The following FOSB variants were observed in gnomAD, a reference collection of about 807,000 sequenced individuals.
FOSB encodes the protein protein FosB.
A neutral mutation model predicts 31.1 loss-of-function variants in FOSB; 8 were observed. The ratio of observed to expected loss-of-function variants is 0.26; its 90% confidence interval spans 0.15 to 0.46. The LOEUF (loss-of-function observed/expected upper bound fraction) is 0.46. FOSB is among the 20% of genes least tolerant of loss of function. The pLI, the probability that FOSB is intolerant of heterozygous loss-of-function variation, is 0.99. For missense variants in FOSB, 376 were observed against 460.6 expected, an observed-to-expected ratio of 0.82 and a Z score of 1.68; for synonymous variants, 214 against 206.1, an observed-to-expected ratio of 1.04 and a Z score of -0.33.
Position 45,472,449 on chromosome 19 carries a change from C to A in FOSB, c.556-102C>A. The stretch of plus-strand genomic sequence containing the variant: ...TTTTTCTCAGCCCGGGGCTGCCTTC[C>A]AGCAGCAAGTCCAAGGGAGCCATGA... On this transcript the variant is annotated intron_variant, in intron 3 of 3. Coordinates refer to ENST00000353609, the MANE Select transcript of FOSB (RefSeq NM_006732.3). The surrounding 1 kb of genome is among the most constrained non-coding windows in gnomAD (Gnocchi z 5.4). 1.0e-6 allele frequency: 1 copy of A among 963,712 alleles called. No individual in the cohort carries two copies. Among genetic ancestry groups the A allele is most frequent in the Non-Finnish European group, 1.5e-6 (1 of 671,368 alleles). 59.7% of individuals were successfully genotyped at this position (963,712 alleles called of 1,614,324 possible).
intron 3 of FOSB, chr19:45,471,569 C>T (rs936873033): frequency 2.9e-6 from 1 of 347,672 alleles, no homozygotes; most frequent in Admixed American, 3.9e-5. Context: ...ACATGGGGCC[C>T]TTGAGGAGAG....
intron 2 of FOSB, 119 bp from the exon 3 acceptor site, chr19:45,471,075 C>G: frequency 7.6e-7 from 1 of 1,323,340 alleles, no homozygotes; most frequent in South Asian, 1.2e-5. Context: ...CCTTGCTACA[C>G]GAGCGAGGAC....
In FOSB at chr19:45,468,544, G is replaced by A; in HGVS notation, c.-43G>A. ...ACCCGGCCATAGCCTTGGCTTCCCG[G>A]CGACCTCAGCGTGGTCACAGGGGCC... On this transcript the variant is annotated 5_prime_UTR_variant, in exon 1 of 4. Coordinates refer to ENST00000353609, the MANE Select transcript of FOSB (RefSeq NM_006732.3). This position sits in a 1 kb window ranked among gnomAD's most constrained non-coding sequence, Gnocchi z 4.8. 6.4e-7 allele frequency: 1 copy of A among 1,572,678 alleles called. No homozygotes were observed. The highest frequency in any genetic ancestry group is 8.6e-7 in the Non-Finnish European group (1 of 1,164,098).
chr19:45,471,359 T>A, intron 3 of FOSB, 58 bp downstream of exon 3: 1 of 1,192,662 alleles, frequency 8.4e-7, no homozygotes, highest in Non-Finnish European at 1.2e-6. Context: ...CTCCCCATTC[T>A]CTGCCCCCTC....
At position 45,470,611 on chromosome 19, in the gene FOSB, GTA is replaced by G. The variant is rs754284435; in HGVS notation, c.127-16_127-15del. 1.7e-5 allele frequency: 27 copies of G among 1,587,952 alleles called. No individual in the cohort carries two copies. The highest frequency in any genetic ancestry group is 6.8e-5 in the Admixed American group (4 of 58,588). On this transcript the variant is annotated splice_polypyrimidine_tract_variant and intron_variant, in intron 1 of 3. Transcript: ENST00000353609. ...TGTTTGTGTGTCTACGCCTGTGTGT[GTA>G]TGTGTCACCCCGTAGGAGTGCGCCG...
chr19:45,471,338 A>G, intron 3 of FOSB, 37 bp downstream of exon 3: 1 of 1,397,560 alleles, frequency 7.2e-7, no homozygotes, highest in Non-Finnish European at 9.9e-7. Flanking sequence ...GGGGATGTTG[A>G]GGGGAGCTCT....
rs1262186739 is a variant in FOSB, at chr19:45,475,138, T to C, written c.*2126T>C. On this transcript the variant is annotated 3_prime_UTR_variant, in exon 4 of 4. Coordinates refer to ENST00000353609, the MANE Select transcript of FOSB (RefSeq NM_006732.3). ...TGGCAATGGGCCGTCCCCTCTCCCCTTGGTTCTGCACTGTTGCCAATAAAA... is the reference window on the plus strand; with the variant it reads ...TGGCAATGGGCCGTCCCCTCTCCCCCTGGTTCTGCACTGTTGCCAATAAAA... 6 of 152,644 alleles carry C rather than the reference T, an allele frequency of 3.9e-5. No individual in the cohort carries two copies. Among genetic ancestry groups the C allele is most frequent in the Admixed American group, 3.3e-4 (5 of 15,270 alleles). The allele number at this position is 152,644 out of a possible 1,614,324, so 9.5% of individuals were successfully genotyped here. A position where few individuals can be genotyped will look rare whatever the true frequency, so the allele number is the denominator to read the frequency against.
At chr19:45,471,353 C>T (rs968064001) in intron 3 of FOSB, 52 bp downstream of exon 3, 31 of 1,254,726 alleles carry the variant, frequency 2.5e-5, no homozygotes, top group Non-Finnish European at 3.5e-5. Flanking sequence ...AGCTCTCTCC[C>T]CATTCTCTGC....
At chr19:45,471,043 A>G (rs748736781) in intron 2 of FOSB, 94 bp downstream of exon 2, 2 of 1,388,558 alleles carry the variant, frequency 1.4e-6, no homozygotes, top group Non-Finnish European at 2.0e-6. Flanking sequence ...CTAAGGCCTC[A>G]GTGTTACAGA....
chr19:45,469,591 T>C (rs1404677071), intron 1 of FOSB, among the ~76,000 whole-genome samples: 1 of 152,202 alleles, frequency 6.6e-6, no homozygotes. Flanking sequence ...TGCGAGGCCC[T>C]TGCGGGGATC....
Position 45,472,835 on chromosome 19 carries a change from C to G in FOSB, c.840C>G (p.Leu280=). ...CACCCCCCAACCTGACGGCTTCTCTCTTTACACACAGTGAAGTTCAAGTCC... is the reference window on the plus strand; with the variant it reads ...CACCCCCCAACCTGACGGCTTCTCTGTTTACACACAGTGAAGTTCAAGTCC... ...QDAPPNLTAS[L]FTHSEVQVLG... is the part of the protein sequence containing the mutation. Residue 280 remains leucine, a synonymous_variant, in exon 4 of 4, where the codon CTC becomes CTG. Transcript: ENST00000353609. The surrounding 1 kb of genome is among the most constrained non-coding windows in gnomAD (Gnocchi z 5.4). 6.2e-7 allele frequency: 1 copy of G among 1,614,244 alleles called. No individual in the cohort carries two copies. Among genetic ancestry groups the G allele is most frequent in the African/African-American group, 1.3e-5 (1 of 75,068 alleles).
Position 45,472,383 on chromosome 19 carries a change from C to T in FOSB, c.556-168C>T, listed in dbSNP as rs1382989028. On this transcript the variant is annotated intron_variant, in intron 3 of 3. Transcript: ENST00000353609. The surrounding 1 kb of genome is among the most constrained non-coding windows in gnomAD (Gnocchi z 5.4). ...GGTTCCTGGAAGGCAAGACCCTTGC[C>T]CCAACTCCCATGGCCACCAGGACTC... Among the ~76,000 whole-genome samples, 3 of 152,146 alleles carry T rather than the reference C, an allele frequency of 2.0e-5. No homozygotes were observed. Among genetic ancestry groups the T allele is most frequent in the African/African-American group, 7.2e-5 (3 of 41,424 alleles).
At chr19:45,471,745 C>A (rs1967682451) in intron 3 of FOSB, 1 of 160,258 alleles carries the variant, frequency 6.2e-6, no homozygotes, top group Non-Finnish European at 1.4e-5. Context: ...CCCTAGCCAC[C>A]CACAGCTCTC....
intron 3 of FOSB, 46 bp downstream of exon 3, chr19:45,471,347 C>A: frequency 7.5e-7 from 1 of 1,331,242 alleles, no homozygotes; most frequent in Non-Finnish European, 1.1e-6. Context: ...GAGGGGAGCT[C>A]TCTCCCCATT....
chr19:45,474,127 CT>C lies in FOSB; in HGVS notation c.*1120del. 6.6e-6 allele frequency: 1 copy of C among 152,458 alleles called. No homozygotes were observed. The highest frequency in any genetic ancestry group is 1.5e-5 in the Non-Finnish European group (1 of 68,226). The allele number at this position is 152,458 out of a possible 1,614,324, so 9.4% of individuals were successfully genotyped here. On this transcript the variant is annotated 3_prime_UTR_variant, in exon 4 of 4. Coordinates refer to ENST00000353609, the MANE Select transcript of FOSB (RefSeq NM_006732.3). ...TCTCCTCAGGACCCTCAGCCCTGGC[CT>C]TTTTCTTTAAGGTCCCCCGACCAAT...
At position 45,472,359 on chromosome 19, in the gene FOSB, G is replaced by T. The variant is rs1967708591; in HGVS notation, c.556-192G>T. On this transcript the variant is annotated intron_variant, in intron 3 of 3. Coordinates refer to ENST00000353609, the MANE Select transcript of FOSB (RefSeq NM_006732.3). This position sits in a 1 kb window ranked among gnomAD's most constrained non-coding sequence, Gnocchi z 5.4. The stretch of plus-strand genomic sequence containing the variant: ...CTTTGGACAGATGGGGGAAACTGAG[G>T]TTCCTGGAAGGCAAGACCCTTGCCC... Among the ~76,000 whole-genome samples the T allele has an allele frequency of 6.6e-6, 1 of 152,146 alleles. No homozygotes were observed. Among genetic ancestry groups the T allele is most frequent in the South Asian group, 2.1e-4 (1 of 4,828 alleles).
rs1967482817 is a variant in FOSB, at chr19:45,468,067, GT to G, written c.-518del. The stretch of plus-strand genomic sequence containing the variant: ...AAGACTTGGAAACTTGATTGTTGTG[GT>G]TCTTCTTGGGGGTTATGAAATTTCA... On this transcript the variant is annotated 5_prime_UTR_variant, in exon 1 of 4. Coordinates refer to ENST00000353609, the MANE Select transcript of FOSB (RefSeq NM_006732.3). The surrounding 1 kb of genome is among the most constrained non-coding windows in gnomAD (Gnocchi z 4.8). 1 of 151,784 alleles carries G rather than the reference GT, an allele frequency of 6.6e-6. No homozygotes were observed. The highest frequency in any genetic ancestry group is 2.0e-4 in the South Asian group (1 of 5,020). 9.4% of individuals were successfully genotyped at this position (151,784 alleles called of 1,614,324 possible). A position where few individuals can be genotyped will look rare whatever the true frequency, so the allele number is the denominator to read the frequency against.
Position 45,468,597 on chromosome 19 carries a change from CTT to C in FOSB, c.13_14del (p.Phe5ProfsTer138). 1 of 1,612,358 alleles carries C rather than the reference CTT, an allele frequency of 6.2e-7. No homozygotes were observed. The highest frequency in any genetic ancestry group is 8.5e-7 in the Non-Finnish European group (1 of 1,179,508). ...CCTGTGCCCAGGGAAATGTTTCAGG[CTT>C]TCCCCGGAGACTACGACTCCGGCTC... is the stretch of plus-strand genomic sequence containing the variant. On this transcript the variant is annotated frameshift_variant, in exon 1 of 4. Transcript: ENST00000353609. LOFTEE classifies it high-confidence loss of function. This position sits in a 1 kb window ranked among gnomAD's most constrained non-coding sequence, Gnocchi z 4.8.
intron 2 of FOSB, 65 bp downstream of exon 2, chr19:45,471,014 T>G: frequency 6.6e-7 from 1 of 1,524,542 alleles, no homozygotes; most frequent in Non-Finnish European, 9.0e-7. Context: ...AAGTTTCTTA[T>G]GAATGGAGGG....
Sources: gnomAD v4.1 joint callset for allele counts (sites outside exome capture counted in the v4.1 genomes callset) on GRCh38, gnomAD v4.1.1 for gene constraint, Gnocchi (gnomAD v3.1) non-coding constraint, MANE v1.5 for transcripts, NCBI Gene and HGNC (gene_info 2026-07-23, HGNC 2026-07-21) for gene names.